Variants in SLC4A10 observed in about 807,000 individuals in gnomAD.
SLC4A10 encodes sodium-driven chloride bicarbonate exchanger.
A neutral mutation model predicts 137.7 loss-of-function variants in SLC4A10; 42 were observed. The observed-to-expected ratio is 0.30, with a 90% CI of 0.24 to 0.39. The LOEUF is 0.39. Ranked by LOEUF, SLC4A10 falls within the 10% of genes least tolerant of loss-of-function variation. SLC4A10 has a pLI of 1.00. For missense variants in SLC4A10, 925 were observed against 1,355.0 expected (o/e 0.68, Z 4.98); for synonymous variants, 474 against 464.1 (o/e 1.02, Z -0.27).
chr2:161,977,739 T>G lies in SLC4A10; in HGVS notation c.*5T>G. ...GTCATAAGCTCCCCTTCCTAATCACTCTAGAAGCTGATTCCCCAAAGGTAA... is the reference window on the plus strand; with the variant it reads ...GTCATAAGCTCCCCTTCCTAATCACGCTAGAAGCTGATTCCCCAAAGGTAA... On this transcript the variant is annotated 3_prime_UTR_variant, in exon 26 of 27. Coordinates refer to ENST00000446997, the MANE Select transcript of SLC4A10 (RefSeq NM_001178015.2). 6.3e-7 allele frequency: 1 copy of G among 1,598,218 alleles called. No homozygotes were observed. Among genetic ancestry groups the G allele is most frequent in the Non-Finnish European group, 8.5e-7 (1 of 1,174,348 alleles).
In SLC4A10 at chr2:161,686,688, T is replaced by C. The variant is rs535888867; in HGVS notation, c.48+62122T>C. On this transcript the variant is annotated intron_variant, in intron 1 of 26. Transcript: ENST00000446997. Reference sequence around the variant, plus strand: ...TTAATTAATATGTATGCCTTTATAATAATAGATTGATGCCCTGACATTGGC... The same window carrying C: ...TTAATTAATATGTATGCCTTTATAACAATAGATTGATGCCCTGACATTGGC... Among the ~76,000 whole-genome samples, 4 of 152,298 alleles carry C rather than the reference T, an allele frequency of 2.6e-5. No individual in the cohort carries two copies. In the East Asian group the frequency reaches 7.7e-4, roughly 29 times the overall value.
intron 1 of SLC4A10, among the ~76,000 whole-genome samples, chr2:161,708,014 C>T (rs1349610554): frequency 6.7e-6 from 1 of 149,882 alleles, no homozygotes. Context: ...CTTGGTAAAT[C>T]TTTTGCATGT....
At chr2:161,811,784 A>G (rs1473635887) in intron 3 of SLC4A10, among the ~76,000 whole-genome samples, 2 of 152,030 alleles carry the variant, frequency 1.3e-5, no homozygotes, top group Non-Finnish European at 2.9e-5. Flanking sequence ...GCAAGAAAAT[A>G]AGGAAGTTTT....
intron 1 of SLC4A10, among the ~76,000 whole-genome samples, chr2:161,627,347 A>G (rs1033033074): frequency 6.6e-6 from 1 of 152,138 alleles, no homozygotes; most frequent in Non-Finnish European, 1.5e-5. Flanking sequence ...AGTTATAATT[A>G]TGAAAACTTT....
At chr2:161,698,324 C>T (rs1421713739) in intron 1 of SLC4A10, among the ~76,000 whole-genome samples, 1 of 152,192 alleles carries the variant, frequency 6.6e-6, no homozygotes, top group Non-Finnish European at 1.5e-5. Flanking sequence ...ATTGCCCTGG[C>T]CAGAGCTTCC....
chr2:161,847,336 C>T (rs1308266072), intron 4 of SLC4A10, among the ~76,000 whole-genome samples: 1 of 146,714 alleles, frequency 6.8e-6, no homozygotes, highest in Non-Finnish European at 1.5e-5. Context: ...TATCAGTATT[C>T]TTTTTTTTTT....
At chr2:161,753,684 A>G (rs999042587) in intron 1 of SLC4A10, among the ~76,000 whole-genome samples, 1 of 152,038 alleles carries the variant, frequency 6.6e-6, no homozygotes, top group East Asian at 1.9e-4. Flanking sequence ...ACCGATGAAG[A>G]AATTATCAAA....
At chr2:161,742,075 G>T (rs928493587) in intron 1 of SLC4A10, among the ~76,000 whole-genome samples, 5 of 152,152 alleles carry the variant, frequency 3.3e-5, no homozygotes, top group Admixed American at 1.3e-4. Flanking sequence ...GAGAACATGT[G>T]AAGTTTATTT....
intron 2 of SLC4A10, among the ~76,000 whole-genome samples, chr2:161,780,785 C>G (rs2052915002): frequency 6.6e-6 from 1 of 151,872 alleles, no homozygotes; most frequent in Non-Finnish European, 1.5e-5. Context: ...CCAAATTAAG[C>G]TTGAGCCTGG....
At chr2:161,859,827 C>T (rs569063392) in intron 5 of SLC4A10, among the ~76,000 whole-genome samples, 2 of 152,056 alleles carry the variant, frequency 1.3e-5, no homozygotes, top group Non-Finnish European at 2.9e-5. Flanking sequence ...GTCTCTATCC[C>T]CTGACCTCGT....
intron 3 of SLC4A10, among the ~76,000 whole-genome samples, chr2:161,820,254 G>C (rs774000725): frequency 9.9e-5 from 15 of 152,132 alleles, no homozygotes; most frequent in African/African-American, 3.1e-4. Context: ...GTGGCTTCCT[G>C]TTCCTATTTT....
intron 1 of SLC4A10, among the ~76,000 whole-genome samples, chr2:161,712,471 T>C (rs2044394159): frequency 6.6e-6 from 1 of 151,848 alleles, no homozygotes; most frequent in South Asian, 2.1e-4. Flanking sequence ...TACTTAGTCA[T>C]CAAAAATGTC....
intron 15 of SLC4A10, among the ~76,000 whole-genome samples, chr2:161,936,614 G>A (rs1691629671): frequency 6.6e-6 from 1 of 151,976 alleles, no homozygotes; most frequent in African/African-American, 2.4e-5. Context: ...TTGCATTTCT[G>A]TAGTGTATTT....
chr2:161,624,465 A>G lies in SLC4A10; in HGVS notation c.-54A>G. On this transcript the variant is annotated 5_prime_UTR_variant, in exon 1 of 27. Coordinates refer to ENST00000446997, the MANE Select transcript of SLC4A10 (RefSeq NM_001178015.2). ...GCAGAGCGAGTGCCGGGCTGAGTGT[A>G]AGACACTGAAGACACTGCAGAGCAA... 2.6e-6 allele frequency: 4 copies of G among 1,550,992 alleles called. No individual in the cohort carries two copies.
intron 2 of SLC4A10, among the ~76,000 whole-genome samples, chr2:161,802,496 G>A (rs1239844052): frequency 6.6e-6 from 1 of 152,016 alleles, no homozygotes; most frequent in African/African-American, 2.4e-5. Context: ...AACACTATCA[G>A]CCTAAGTGTT....
At chr2:161,852,100 C>A (rs532060983) in intron 4 of SLC4A10, among the ~76,000 whole-genome samples, 20 of 152,082 alleles carry the variant, frequency 1.3e-4, no homozygotes, top group African/African-American at 4.8e-4. Flanking sequence ...TGTTACCCAT[C>A]GCCTCACTGT....
At chr2:161,881,471 TGTA>T (rs2061776050) in intron 9 of SLC4A10, among the ~76,000 whole-genome samples, 1 of 152,040 alleles carries the variant, frequency 6.6e-6, no homozygotes, top group Non-Finnish European at 1.5e-5. Flanking sequence ...TGTAAAAACA[TGTA>T]CAATCTCTAA....
chr2:161,767,733 G>A (rs1452048173), intron 1 of SLC4A10, among the ~76,000 whole-genome samples: 1 of 151,948 alleles, frequency 6.6e-6, no homozygotes, highest in Non-Finnish European at 1.5e-5. Context: ...TATCATTCTT[G>A]AAAAGGATTT....
rs578259171 is a variant in SLC4A10, at chr2:161,757,825, A to G, written c.49-13148A>G. ...CTAAGTAGAGGAGATCAGGTTAATTACATATATTTTCAATAAATGAAGTTC... is the reference window on the plus strand; with the variant it reads ...CTAAGTAGAGGAGATCAGGTTAATTGCATATATTTTCAATAAATGAAGTTC... On this transcript the variant is annotated intron_variant, in intron 1 of 26. Coordinates refer to ENST00000446997, the MANE Select transcript of SLC4A10 (RefSeq NM_001178015.2). Among the ~76,000 whole-genome samples the G allele has an allele frequency of 3.3e-5, 5 of 152,252 alleles. No homozygotes were observed. In the South Asian group the frequency reaches 8.3e-4, roughly 25 times the overall value.
Sources: gnomAD v4.1 joint callset for allele counts (sites outside exome capture counted in the v4.1 genomes callset) on GRCh38, gnomAD v4.1.1 for gene constraint, MANE v1.5 for transcripts, NCBI Gene and HGNC (gene_info 2026-07-23, HGNC 2026-07-21) for gene names.